Variants in SYT16 observed in about 807,000 individuals in gnomAD.
SYT16 encodes the protein synaptotagmin-16.
Under a neutral mutation model 61.4 loss-of-function variants are expected in SYT16, and 42 were observed. That is an observed-to-expected ratio of 0.68 (90% confidence interval 0.53 to 0.89). The LOEUF is 0.89. SYT16 is among the 40% of genes least tolerant of loss of function. The pLI is 0.00. For missense variants in SYT16, 804 were observed against 807.3 expected (o/e 1.00, Z 0.05); for synonymous variants, 314 against 302.3 (o/e 1.04, Z -0.40).
chr14:62,069,961 CT>C (rs1445999402), intron 4 of SYT16, 146 bp downstream of exon 4: 37 of 920,254 alleles, frequency 4.0e-5, no homozygotes, highest in Non-Finnish European at 5.7e-5. Flanking sequence ...AGCAAAGGGG[CT>C]GCTTTGAACC....
At chr14:61,859,218 G>T (rs1418217940) in intron 1 of SYT16, among the ~76,000 whole-genome samples, 1 of 152,138 alleles carries the variant, frequency 6.6e-6, no homozygotes, top group Non-Finnish European at 1.5e-5. Flanking sequence ...GACGTAGACA[G>T]CCAACCTGGG....
intron 1 of SYT16, among the ~76,000 whole-genome samples, chr14:61,888,125 C>CTTTTTTTTTTT (rs756842240): frequency 1.5e-5 from 2 of 134,194 alleles, no homozygotes; most frequent in Non-Finnish European, 1.6e-5. Flanking sequence ...CTTTTCTTTT[C>CTTTTTTTTTTT]TTTTTTTTTT....
intron 1 of SYT16, among the ~76,000 whole-genome samples, chr14:61,904,181 C>T (rs217655): frequency 0.9 from 137,147 of 152,258 alleles, 61,936 homozygotes; most frequent in East Asian, 0.98. Context: ...CCTGGGTCTC[C>T]CCATTCTGTG....
intron 1 of SYT16, among the ~76,000 whole-genome samples, chr14:61,934,565 A>G (rs1452656260): frequency 6.6e-6 from 1 of 152,208 alleles, no homozygotes; most frequent in Non-Finnish European, 1.5e-5. Context: ...TATTATAGCC[A>G]GTGCTATAAG....
chr14:61,974,730 C>T (rs2051710989), intron 2 of SYT16, among the ~76,000 whole-genome samples: 1 of 152,192 alleles, frequency 6.6e-6, no homozygotes, highest in Admixed American at 6.5e-5. Flanking sequence ...TTTAGTTTCT[C>T]AACACTGAGT....
At chr14:61,928,755 A>G (rs1221999367) in intron 1 of SYT16, among the ~76,000 whole-genome samples, 2 of 152,210 alleles carry the variant, frequency 1.3e-5, no homozygotes, top group African/African-American at 2.4e-5. Flanking sequence ...TATTTTTTAA[A>G]TAACCTGGGT....
chr14:61,945,630 C>T (rs1440486894), intron 1 of SYT16, among the ~76,000 whole-genome samples: 40 of 151,316 alleles, frequency 2.6e-4, no homozygotes, highest in African/African-American at 6.8e-4. Context: ...CCGAGGCGGG[C>T]GGATCACGAG....
chr14:62,034,326 T>A (rs951555568), intron 3 of SYT16, among the ~76,000 whole-genome samples: 13 of 152,142 alleles, frequency 8.5e-5, no homozygotes, highest in Non-Finnish European at 4.4e-5. Flanking sequence ...AGAGTTACCA[T>A]AGAACCCAGC....
chr14:62,083,708 G>T (rs1303530867), intron 6 of SYT16, among the ~76,000 whole-genome samples: 1 of 152,130 alleles, frequency 6.6e-6, no homozygotes, highest in Non-Finnish European at 1.5e-5. Flanking sequence ...TGTTCTATGT[G>T]GGGGTAGACG....
Position 61,981,515 on chromosome 14 carries a change from C to T in SYT16, c.-145+11204C>T, listed in dbSNP as rs751552079. Among the ~76,000 whole-genome samples, 3 of 152,308 alleles carry T rather than the reference C, an allele frequency of 2.0e-5. No homozygotes were observed. In the East Asian group the frequency reaches 5.8e-4, roughly 29 times the overall value. On this transcript the variant is annotated intron_variant, in intron 2 of 7. Coordinates refer to ENST00000683842, the MANE Select transcript of SYT16 (RefSeq NM_001367656.1). ...TAATGAACCCCATATATCTATCACA[C>T]AGCTTCAACAATTATTAACAAAGAC...
intron 3 of SYT16, among the ~76,000 whole-genome samples, chr14:62,024,876 G>A (rs2054042408): frequency 6.6e-6 from 1 of 151,848 alleles, no homozygotes; most frequent in South Asian, 2.1e-4. Flanking sequence ...TATATAGTTG[G>A]ACTTATATAG....
chr14:61,973,971 C>T (rs1044646256), intron 2 of SYT16, among the ~76,000 whole-genome samples: 10 of 152,066 alleles, frequency 6.6e-5, no homozygotes, highest in Non-Finnish European at 1.0e-4. Flanking sequence ...TCAACACGCC[C>T]GAAGAAGAGT....
chr14:62,112,794 A>G (rs547644923), downstream of SYT16, among the ~76,000 whole-genome samples: 14 of 152,316 alleles, frequency 9.2e-5, no homozygotes, highest in Admixed American at 9.1e-4. Context: ...ATCAACATAT[A>G]CCAGTTCAAA....
At chr14:62,055,423 TGA>T (rs1353598643) in intron 3 of SYT16, among the ~76,000 whole-genome samples, 5 of 152,286 alleles carry the variant, frequency 3.3e-5, no homozygotes, top group Middle Eastern at 6.8e-3. Context: ...CATCGTTACT[TGA>T]GAGAGTCCTT....
intron 1 of SYT16, among the ~76,000 whole-genome samples, chr14:61,837,985 T>A (rs184794556): frequency 6.6e-6 from 1 of 152,202 alleles, no homozygotes; most frequent in Non-Finnish European, 1.5e-5. Context: ...GAAATATATA[T>A]GCAAGAAATT....
At chr14:61,923,048 CA>C (rs140168317) in intron 1 of SYT16, among the ~76,000 whole-genome samples, 5,416 of 95,454 alleles carry the variant, frequency 0.057, 122 homozygotes, top group African/African-American at 0.14. Flanking sequence ...GACTCTGTCT[CA>C]AAAAAAAAAA....
At chr14:62,023,494 C>T (rs1164670296) in intron 3 of SYT16, among the ~76,000 whole-genome samples, 1 of 152,142 alleles carries the variant, frequency 6.6e-6, no homozygotes, top group Non-Finnish European at 1.5e-5. Flanking sequence ...GTTCACTCTT[C>T]TGTGCTTACC....
chr14:61,904,915 C>T lies in SYT16; in HGVS notation c.-324-65217C>T, dbSNP rs373421692. Among the ~76,000 whole-genome samples the T allele has an allele frequency of 6.3e-4, 96 of 152,252 alleles. No homozygotes were observed. In the Middle Eastern group the frequency reaches 0.027, roughly 43 times the overall value. On this transcript the variant is annotated intron_variant, in intron 1 of 7. Transcript: ENST00000683842. ...TTAGAAACATAGCAATTATTAAAAG[C>T]GGGAGATCATTAAGATTCACTCAAA...
chr14:61,967,043 G>A (rs1380066719), intron 1 of SYT16, among the ~76,000 whole-genome samples: 1 of 152,184 alleles, frequency 6.6e-6, no homozygotes, highest in Admixed American at 6.5e-5. Context: ...GGGCTTGGTA[G>A]GTGGCAACAC....
Sources: gnomAD v4.1 joint callset for allele counts (sites outside exome capture counted in the v4.1 genomes callset) on GRCh38, gnomAD v4.1.1 for gene constraint, MANE v1.5 for transcripts, NCBI Gene and HGNC (gene_info 2026-07-23, HGNC 2026-07-21) for gene names.